Variants in GLIS3 observed in about 807,000 individuals in gnomAD.
The protein encoded by GLIS3 is zinc finger protein GLIS3.
Under a neutral mutation model 78.6 loss-of-function variants are expected in GLIS3, and 53 were observed. The ratio of observed to expected loss-of-function variants is 0.67; its 90% CI spans 0.54 to 0.85. GLIS3 has a LOEUF of 0.85. GLIS3 is among the 40% of genes least tolerant of loss of function. GLIS3 has a pLI of 0.00. For synonymous variants in GLIS3, 684 were observed against 509.9 expected, an observed-to-expected ratio of 1.34 and a Z score of -4.60; for missense variants, 1,703 against 1,231.1, an observed-to-expected ratio of 1.38 and a Z score of -5.74.
At chr9:4,197,059 G>C (rs903689412) in intron 2 of GLIS3, among the ~76,000 whole-genome samples, 1 of 152,138 alleles carries the variant, frequency 6.6e-6, no homozygotes, top group African/African-American at 2.4e-5. Flanking sequence ...TGCCCAGGCA[G>C]ATCTCCAAGT....
At chr9:4,354,918 C>A in the GLIS3 span, among the ~76,000 whole-genome samples, 3 of 152,010 alleles carry the variant, frequency 2.0e-5, no homozygotes, top group Non-Finnish European at 4.4e-5. Context: ...AGATCGAGAC[C>A]ATCCTGGCTA....
At chr9:4,457,633 G>C in the GLIS3 span, among the ~76,000 whole-genome samples, 28 of 151,830 alleles carry the variant, frequency 1.8e-4, no homozygotes, top group African/African-American at 5.1e-4. Context: ...GGATCATGAG[G>C]TCAGGAGATC....
intron 2 of GLIS3, among the ~76,000 whole-genome samples, chr9:4,262,200 C>G (rs1018794908): frequency 1.3e-5 from 2 of 152,108 alleles, no homozygotes; most frequent in African/African-American, 4.8e-5. Context: ...GAAAACTCTC[C>G]GGCTACCTCC....
At chr9:3,848,505 AAAAT>A (rs1481433680) in intron 9 of GLIS3, among the ~76,000 whole-genome samples, 2 of 152,250 alleles carry the variant, frequency 1.3e-5, no homozygotes, top group East Asian at 1.9e-4. Context: ...TCTGTCTCAA[AAAAT>A]AAATAAATAA....
At chr9:4,448,725 C>T in the GLIS3 span, among the ~76,000 whole-genome samples, 2 of 152,202 alleles carry the variant, frequency 1.3e-5, no homozygotes, top group African/African-American at 4.8e-5. Context: ...TCATTATGTC[C>T]TTTTGATCCC....
chr9:4,050,904 G>C (rs780443854), intron 4 of GLIS3, among the ~76,000 whole-genome samples: 1 of 152,190 alleles, frequency 6.6e-6, no homozygotes, highest in Non-Finnish European at 1.5e-5. Flanking sequence ...TCCTAAACCT[G>C]ATAGTCAGGG....
the GLIS3 span, among the ~76,000 whole-genome samples, chr9:4,438,248 C>A: frequency 4.6e-5 from 7 of 152,108 alleles, no homozygotes; most frequent in East Asian, 1.9e-4. Context: ...TGTTCAGGTA[C>A]CCTCATGCCA....
At position 4,163,838 on chromosome 9, in the gene GLIS3, A is replaced by T. The variant is rs970655483; in HGVS notation, c.389-37897T>A. On this transcript the variant is annotated intron_variant, in intron 2 of 10. Coordinates refer to ENST00000381971, the MANE Select transcript of GLIS3 (RefSeq NM_001042413.2). The stretch of plus-strand genomic sequence containing the variant: ...TGGTGGTGGTTTTGTTGTGCTTATT[A>T]CACTATTATTACTGTTAATAATAAT... Among the ~76,000 whole-genome samples, 13 of 152,326 alleles carry T rather than the reference A, an allele frequency of 8.5e-5. No homozygotes were observed. In the South Asian group the frequency reaches 1.7e-3, roughly 19 times the overall value.
At chr9:3,996,418 ATGGGGTGACATTC>A (rs1820748036) in intron 4 of GLIS3, among the ~76,000 whole-genome samples, 1 of 152,176 alleles carries the variant, frequency 6.6e-6, no homozygotes, top group Non-Finnish European at 1.5e-5. Context: ...ATTCTGGAGG[ATGGGGTGACATTC>A]TGGTGTGGTG....
chr9:4,145,396 C>T (rs1834141455), intron 2 of GLIS3, among the ~76,000 whole-genome samples: 1 of 152,130 alleles, frequency 6.6e-6, no homozygotes, highest in South Asian at 2.1e-4. Flanking sequence ...TTTCTATAAG[C>T]AAACATATCT....
intron 4 of GLIS3, chr9:4,054,215 C>G (rs995502718): frequency 9.4e-6 from 5 of 532,994 alleles, no homozygotes; most frequent in South Asian, 1.6e-4. Context: ...CACTCACCAG[C>G]AGAACATCAG....
At chr9:4,389,784 G>A in the GLIS3 span, among the ~76,000 whole-genome samples, 1 of 152,148 alleles carries the variant, frequency 6.6e-6, no homozygotes, top group African/African-American at 2.4e-5. Flanking sequence ...GTCCAAGAGG[G>A]AGTGAACAGT....
intron 4 of GLIS3, among the ~76,000 whole-genome samples, chr9:4,041,249 G>T (rs1275948159): frequency 3.9e-5 from 6 of 152,188 alleles, no homozygotes; most frequent in African/African-American, 1.2e-4. Flanking sequence ...AAACAAGGGG[G>T]TGGGAGTGGA....
intron 6 of GLIS3, among the ~76,000 whole-genome samples, chr9:3,904,552 A>G (rs1823532387): frequency 6.6e-6 from 1 of 152,216 alleles, no homozygotes; most frequent in African/African-American, 2.4e-5. Context: ...AGATACTATT[A>G]CAATGTGCTT....
At chr9:4,116,675 T>C (rs1831664089) in intron 4 of GLIS3, among the ~76,000 whole-genome samples, 1 of 152,218 alleles carries the variant, frequency 6.6e-6, no homozygotes, top group Non-Finnish European at 1.5e-5. Context: ...ATCACTGACA[T>C]ACTACAGAAA....
chr9:4,253,606 G>A (rs1824611175), intron 2 of GLIS3, among the ~76,000 whole-genome samples: 1 of 152,180 alleles, frequency 6.6e-6, no homozygotes, highest in South Asian at 2.1e-4. Context: ...CCCCTTTCCA[G>A]GTGAGTGAAC....
intron 2 of GLIS3, among the ~76,000 whole-genome samples, chr9:4,175,650 G>C (rs1480550261): frequency 2.6e-5 from 4 of 152,116 alleles, no homozygotes; most frequent in Non-Finnish European, 5.9e-5. Context: ...TTCTACCCAA[G>C]TCCCCACTGT....
At chr9:4,069,161 G>C (rs528776466) in intron 4 of GLIS3, among the ~76,000 whole-genome samples, 13 of 152,326 alleles carry the variant, frequency 8.5e-5, no homozygotes, top group African/African-American at 3.1e-4. Context: ...GTAGGAACCT[G>C]CCGAGCAGAG....
intron 4 of GLIS3, among the ~76,000 whole-genome samples, chr9:4,039,978 G>C (rs1214638506): frequency 6.6e-6 from 1 of 152,302 alleles, no homozygotes; most frequent in East Asian, 1.9e-4. Context: ...TGTTTGGGAA[G>C]ATTTGAGTCT....
Sources: allele counts gnomAD v4.1 joint callset (sites outside exome capture counted in the v4.1 genomes callset), GRCh38; gene constraint gnomAD v4.1.1; transcripts MANE v1.5; gene names NCBI Gene and HGNC (gene_info 2026-07-23, HGNC 2026-07-21).